Variants in ADAMTSL2 observed in about 807,000 individuals in gnomAD.
ADAMTSL2 encodes ADAMTS like 2, also known as ADAMTS-like protein 2.
Under a neutral mutation model 117.0 loss-of-function variants are expected in ADAMTSL2, and 55 were observed. The observed-to-expected ratio is 0.47, with a 90% CI of 0.38 to 0.59. The LOEUF (loss-of-function observed/expected upper bound fraction) is 0.59. Among genes scored for constraint, ADAMTSL2 ranks in the 20% least tolerant of loss-of-function variants. The pLI is 0.00. For missense variants in ADAMTSL2, 1,182 were observed against 1,354.5 expected (o/e 0.87, Z 2.00); for synonymous variants, 572 against 566.4 (o/e 1.01, Z -0.14).
intron 11 of ADAMTSL2, 96 bp from the exon 12 acceptor site, chr9:133,561,102 A>C: frequency 9.6e-7 from 1 of 1,037,816 alleles, no homozygotes; most frequent in Non-Finnish European, 1.5e-6. Context: ...TCAGGCGAAC[A>C]TACCCTCCGA....
In ADAMTSL2 at chr9:133,539,860, G is replaced by T; in HGVS notation, c.399G>T (p.Lys133Asn). ...HVYNGRTHQW[K>N]PLYPDDYVHI... ...ACAACGGGCGGACGCACCAGTGGAA[G>T]CCTCTGTACCCGGGTACCTGCCGCC... The change falls in exon 5 of 19, where the codon AAG becomes AAT. Residue 133 changes from lysine to asparagine, a missense_variant. Physicochemically the swap from Lys to Asn is moderately conservative, Grantham distance 94. Transcript: ENST00000651351. 6.4e-7 allele frequency: 1 copy of T among 1,550,992 alleles called. No individual in the cohort carries two copies. Among genetic ancestry groups the T allele is most frequent in the African/African-American group, 1.4e-5 (1 of 73,192 alleles).
chr9:133,572,791 T>C (rs1831140605), intron 17 of ADAMTSL2, among the ~76,000 whole-genome samples: 1 of 152,150 alleles, frequency 6.6e-6, no homozygotes, highest in African/African-American at 2.4e-5. Context: ...TGCCCCCCGA[T>C]GCCGGTGCAT....
chr9:133,541,017 C>T lies in ADAMTSL2; in HGVS notation c.682+16C>T. 3 of 1,610,536 alleles carry T rather than the reference C, an allele frequency of 1.9e-6. No individual in the cohort carries two copies. Among genetic ancestry groups the T allele is most frequent in the South Asian group, 2.2e-5 (2 of 90,564 alleles). On this transcript the variant is annotated intron_variant, in intron 7 of 18. Coordinates refer to ENST00000651351, the MANE Select transcript of ADAMTSL2 (RefSeq NM_014694.4). ...GCCCACCTTGGTAAGCCACAGCGCGCCCTGGAGTCCAAGCACAGCAGAGTC... is the reference window on the plus strand; with the variant it reads ...GCCCACCTTGGTAAGCCACAGCGCGTCCTGGAGTCCAAGCACAGCAGAGTC...
In ADAMTSL2 at chr9:133,558,678, G is replaced by C. The variant is rs1298683174; in HGVS notation, c.1650-2520G>C. Among the ~76,000 whole-genome samples, 1 of 152,226 alleles carries C rather than the reference G, an allele frequency of 6.6e-6. No individual in the cohort carries two copies. Among genetic ancestry groups the C allele is most frequent in the Admixed American group, 6.5e-5 (1 of 15,290 alleles). On this transcript the variant is annotated intron_variant, in intron 11 of 18. Transcript: ENST00000651351. The surrounding 1 kb of genome is among the most constrained non-coding windows in gnomAD (Gnocchi z 4.3). ...CCTGAGGAGTGACAGGTGGTCTGGT[G>C]GTGACTCCACAGCCGTCACCAGCCC...
chr9:133,561,425 C>T (rs1310512426), intron 12 of ADAMTSL2, 130 bp downstream of exon 12: 3 of 817,126 alleles, frequency 3.7e-6, no homozygotes, highest in South Asian at 2.9e-5. Flanking sequence ...TCCGTGGCCT[C>T]CTGACTTGGG....
chr9:133,544,639 C>T, intron 8 of ADAMTSL2, 89 bp downstream of exon 8: 1 of 1,145,166 alleles, frequency 8.7e-7, no homozygotes, highest in South Asian at 1.2e-5. Context: ...GACCCTGGAC[C>T]CCTTCCTCCA....
intron 13 of ADAMTSL2, among the ~76,000 whole-genome samples, chr9:133,567,973 T>G (rs1284205560): frequency 1.3e-5 from 2 of 152,218 alleles, no homozygotes; most frequent in African/African-American, 4.8e-5. Flanking sequence ...GCCAGAATCC[T>G]GTGGGCGCAC....
Position 133,548,992 on chromosome 9 carries a change from CTTTTTTTTTTTTTTTTT to C in ADAMTSL2, c.939+1790_939+1806del, listed in dbSNP as rs1180540013. Among the ~76,000 whole-genome samples the C allele has an allele frequency of 1.6e-4, 5 of 30,982 alleles. 2 individuals are homozygous for C. The highest frequency in any genetic ancestry group is 5.8e-4 in the Non-Finnish European group (5 of 8,662). The allele number at this position is 30,982 out of a possible 152,430, so 20.3% of individuals were successfully genotyped here. A position where few individuals can be genotyped will look rare whatever the true frequency, so the allele number is the denominator to read the frequency against. ...TACAACTGACACTCACAGTTTCCTT[CTTTTTTTTTTTTTTTTT>C]TTTTTTTTTTGAGACGGAGTCTCGC... On this transcript the variant is annotated intron_variant, in intron 9 of 18. Coordinates refer to ENST00000651351, the MANE Select transcript of ADAMTSL2 (RefSeq NM_014694.4).
At chr9:133,574,009 G>A in intron 18 of ADAMTSL2, 22 bp downstream of exon 18, 1 of 1,603,202 alleles carries the variant, frequency 6.2e-7, no homozygotes, top group Non-Finnish European at 8.5e-7. Flanking sequence ...GGAGGCCGAG[G>A]GTGGCTCTGG....
At chr9:133,550,635 C>T (rs1299835683) in intron 9 of ADAMTSL2, among the ~76,000 whole-genome samples, 3 of 152,092 alleles carry the variant, frequency 2.0e-5, no homozygotes, top group African/African-American at 7.2e-5. Context: ...CACCCAGTAG[C>T]TGAGTGGCCT....
At chr9:133,565,868 C>T (rs1830960274) in intron 12 of ADAMTSL2, among the ~76,000 whole-genome samples, 1 of 151,936 alleles carries the variant, frequency 6.6e-6, no homozygotes, top group African/African-American at 2.4e-5. Flanking sequence ...CACACACACA[C>T]ACACACAGCC....
intron 12 of ADAMTSL2, 85 bp from the exon 13 acceptor site, chr9:133,566,851 G>T: frequency 1.3e-6 from 2 of 1,534,420 alleles, no homozygotes; most frequent in African/African-American, 2.7e-5. Context: ...GAGAGGTCAG[G>T]TGACTTGCCC....
rs1460245542 is a variant in ADAMTSL2 at position 133,559,540 on chromosome 9, G to A, written c.1650-1658G>A. ...TTTTTTTTTTTGTATTTTTAGTAGA[G>A]ACGGGGTTTCACCATGTCAGCCAGG... is the stretch of plus-strand genomic sequence containing the variant. On this transcript the variant is annotated intron_variant, in intron 11 of 18. Coordinates refer to ENST00000651351, the MANE Select transcript of ADAMTSL2 (RefSeq NM_014694.4). 6.7e-5 allele frequency among the ~76,000 whole-genome samples: 10 copies of A among 148,828 alleles called. No individual in the cohort carries two copies. In the East Asian group the frequency reaches 2.0e-3, roughly 29 times the overall value.
intron 12 of ADAMTSL2, among the ~76,000 whole-genome samples, chr9:133,561,583 T>C (rs2131154637): frequency 6.6e-6 from 1 of 152,316 alleles, no homozygotes; most frequent in African/African-American, 2.4e-5. Flanking sequence ...AGTGATACCA[T>C]GTTTTGTTAG....
intron 8 of ADAMTSL2, 143 bp from the exon 9 acceptor site, chr9:133,546,895 C>G (rs1830361226): frequency 2.3e-6 from 2 of 866,952 alleles, no homozygotes; most frequent in Non-Finnish European, 3.9e-6. Context: ...TGGCCAGACT[C>G]TCCATGATGG....
intron 17 of ADAMTSL2, among the ~76,000 whole-genome samples, chr9:133,572,076 C>T (rs1486015502): frequency 2.0e-5 from 3 of 152,102 alleles, no homozygotes; most frequent in Admixed American, 1.3e-4. Context: ...GACCCCAGTG[C>T]GGCCCTGCTC....
At chr9:133,556,007 C>A in intron 11 of ADAMTSL2, 77 bp downstream of exon 11, 1 of 1,558,666 alleles carries the variant, frequency 6.4e-7, no homozygotes, top group Non-Finnish European at 8.7e-7. Context: ...GAAAGTGAGG[C>A]CCCACTGGGG....
intron 12 of ADAMTSL2, among the ~76,000 whole-genome samples, chr9:133,566,440 C>CA (rs1233180155): frequency 6.6e-6 from 1 of 151,948 alleles, no homozygotes; most frequent in South Asian, 2.1e-4. Flanking sequence ...GGCTCCATCT[C>CA]AAAAAAAGAA....
Position 133,557,498 on chromosome 9 carries a change from G to A in ADAMTSL2, c.1649+1568G>A, listed in dbSNP as rs1284618993. Among the ~76,000 whole-genome samples the A allele has an allele frequency of 2.6e-5, 4 of 152,278 alleles. No individual in the cohort carries two copies. Among genetic ancestry groups the A allele is most frequent in the South Asian group, 2.1e-4 (1 of 4,830 alleles). On this transcript the variant is annotated intron_variant, in intron 11 of 18. Coordinates refer to ENST00000651351, the MANE Select transcript of ADAMTSL2 (RefSeq NM_014694.4). The surrounding 1 kb of genome is among the most constrained non-coding windows in gnomAD (Gnocchi z 5.2). ...TGTGGCTGGTTCTCAGGACTCGGGC[G>A]GGGAGGGCCGGGCCTTGCTTTGGGT... is the stretch of plus-strand genomic sequence containing the variant.
Sources: allele counts gnomAD v4.1 joint callset (sites outside exome capture counted in the v4.1 genomes callset), GRCh38; gene constraint gnomAD v4.1.1; non-coding constraint Gnocchi (gnomAD v3.1); transcripts MANE v1.5; gene names NCBI Gene and HGNC (gene_info 2026-07-23, HGNC 2026-07-21).